Variants in NBPF12 observed in about 807,000 individuals in gnomAD.
NBPF12 encodes NBPF family member NBPF12.
In NBPF12, 115 loss-of-function variants were observed where a neutral mutation model predicts 146.4. The ratio of observed to expected loss-of-function variants is 0.79; its 90% CI spans 0.68 to 0.92. The LOEUF (loss-of-function observed/expected upper bound fraction) is 0.92. NBPF12 is among the 40% of genes least tolerant of loss of function. NBPF12 has a pLI of 0.00. For synonymous variants in NBPF12, 385 were observed against 508.9 expected (o/e 0.76, Z 3.28); for missense variants, 1,205 against 1,326.8 (o/e 0.91, Z 1.43).
At chr1:146,948,465 G>A (rs1455445411), upstream of NBPF12, among the ~76,000 whole-genome samples, 7 of 151,688 alleles carry the variant, frequency 4.6e-5, no homozygotes, top group East Asian at 3.9e-4. Flanking sequence ...TGCTCCCTAA[G>A]ACATGGGCTG....
intron 8 of NBPF12, among the ~76,000 whole-genome samples, chr1:146,966,232 C>T (rs1456697637): frequency 5.3e-5 from 8 of 151,896 alleles, no homozygotes; most frequent in African/African-American, 1.5e-4. Context: ...TTTATAGAAA[C>T]GTATAAGCAA....
At chr1:146,960,347 A>G in intron 4 of NBPF12, 29 bp downstream of exon 7, 1 of 1,477,176 alleles carries the variant, frequency 6.8e-7, no homozygotes, top group Non-Finnish European at 9.4e-7. Context: ...CCATCATGAA[A>G]GTGATGAATG....
upstream of NBPF12, chr1:146,938,673 G>A (rs1467113952): frequency 6.6e-6 from 1 of 152,050 alleles, no homozygotes; most frequent in Admixed American, 6.6e-5. Context: ...CCCGTTGTGC[G>A]GTAGAGGCAG....
intron 18 of NBPF12, among the ~76,000 whole-genome samples, chr1:146,978,360 A>T (rs1457196373): frequency 7.0e-6 from 1 of 143,312 alleles, no homozygotes; most frequent in Non-Finnish European, 1.5e-5. Context: ...TGCCTCCCAG[A>T]TTCAAGTGAT....
intron 19 of NBPF12, among the ~76,000 whole-genome samples, chr1:146,982,440 A>T (rs1657454939): frequency 1.3e-5 from 2 of 150,542 alleles, no homozygotes; most frequent in Admixed American, 6.6e-5. Context: ...CTTTCTTCCC[A>T]TTTGTTGGTA....
At chr1:146,994,856 A>C (rs1288075530) in exon 34 of NBPF12, 2 of 572,928 alleles carry the variant, frequency 3.5e-6, no homozygotes, top group Admixed American at 3.3e-5. Flanking sequence ...GGTAGCTACA[A>C]AATTCCTCAG....
chr1:146,990,174 C>T, intron 28 of NBPF12, among the ~76,000 whole-genome samples: 1 of 74,354 alleles, frequency 1.3e-5, no homozygotes, highest in Non-Finnish European at 2.4e-5. Flanking sequence ...CATTTGGGGG[C>T]ACTTGCTTTA....
chr1:146,948,199 C>T (rs1655155681), upstream of NBPF12, among the ~76,000 whole-genome samples: 1 of 151,750 alleles, frequency 6.6e-6, no homozygotes, highest in Non-Finnish European at 1.5e-5. Flanking sequence ...TTGGTAGAGA[C>T]AGGGTTTCTT....
At chr1:146,941,445 A>G (rs1654798451) in intron 1 of NBPF12, among the ~76,000 whole-genome samples, 1 of 149,620 alleles carries the variant, frequency 6.7e-6, no homozygotes, top group Non-Finnish European at 1.5e-5. Context: ...GTTACTGCTT[A>G]TTGTGTCCTG....
chr1:146,963,446 T>G, intron 6 of NBPF12, 137 bp downstream of exon 9: 1 of 1,579,000 alleles, frequency 6.3e-7, no homozygotes, highest in Non-Finnish European at 8.7e-7. Context: ...TGATCAGGAC[T>G]TCCTGGGTAA....
At chr1:146,964,171 C>G (rs1321194826) in intron 6 of NBPF12, among the ~76,000 whole-genome samples, 186 bp from the exon 10 acceptor site, 59 of 149,400 alleles carry the variant, frequency 3.9e-4, no homozygotes, top group Middle Eastern at 3.4e-3. Flanking sequence ...TGGCCCTCCA[C>G]ATCAGAAATG....
At chr1:146,960,854 G>A (rs1219284123) in intron 4 of NBPF12, among the ~76,000 whole-genome samples, 21 of 152,178 alleles carry the variant, frequency 1.4e-4, no homozygotes, top group African/African-American at 4.6e-4. Flanking sequence ...AGCATCAAGA[G>A]CAGGGAGTAG....
chr1:146,949,754 G>A (rs1267628437), intron 1 of NBPF12, among the ~76,000 whole-genome samples: 1 of 151,104 alleles, frequency 6.6e-6, no homozygotes, highest in East Asian at 1.9e-4. Context: ...TGTTTGTGGG[G>A]GACTGAGGGC....
intron 2 of NBPF12, among the ~76,000 whole-genome samples, chr1:146,954,023 C>T (rs1400513735): frequency 6.9e-6 from 1 of 144,918 alleles, no homozygotes; most frequent in East Asian, 2.1e-4. Flanking sequence ...TGTATATTAG[C>T]AATGAGCATT....
intron 33 of NBPF12, 77 bp downstream of exon 36, chr1:146,993,784 T>C: frequency 1.2e-5 from 1 of 81,058 alleles, no homozygotes; most frequent in Non-Finnish European, 1.9e-5. Flanking sequence ...CCAGAGTGTG[T>C]TTGATGTCAT....
upstream of NBPF12, among the ~76,000 whole-genome samples, chr1:146,946,095 C>G (rs1398324453): frequency 3.2e-3 from 489 of 152,082 alleles, 4 homozygotes; most frequent in Non-Finnish European, 5.7e-3. Context: ...TAAGTTCCTC[C>G]ACGCCTTTTC....
intron 14 of NBPF12, among the ~76,000 whole-genome samples, chr1:146,973,728 C>T (rs1391374456): frequency 6.8e-6 from 1 of 147,378 alleles, no homozygotes; most frequent in African/African-American, 2.6e-5. Flanking sequence ...GCTGAGGTTG[C>T]AGTGAGCCAA....
intron 16 of NBPF12, among the ~76,000 whole-genome samples, chr1:146,976,119 G>T: frequency 1.3e-5 from 2 of 148,724 alleles, no homozygotes; most frequent in Non-Finnish European, 3.0e-5. Flanking sequence ...GTGGTCTTTG[G>T]AGTAAGAGGC....
chr1:146,973,328 A>G (rs1158979682), intron 14 of NBPF12, among the ~76,000 whole-genome samples: 1 of 151,826 alleles, frequency 6.6e-6, no homozygotes, highest in African/African-American at 2.4e-5. Context: ...GTCTGAGACT[A>G]GTGAACTTTT....
Sources: allele counts gnomAD v4.1 joint callset (sites outside exome capture counted in the v4.1 genomes callset), GRCh38; gene constraint gnomAD v4.1.1; transcripts MANE v1.5; gene names NCBI Gene and HGNC (gene_info 2026-07-23, HGNC 2026-07-21).